Variants in EEFSEC observed in about 807,000 individuals in gnomAD.
EEFSEC encodes selenocysteine-specific elongation factor.
Under a neutral mutation model 42.1 loss-of-function variants are expected in EEFSEC, and 43 were observed. That is an observed-to-expected ratio of 1.02 (90% CI 0.80 to 1.32). The LOEUF is 1.32. Ranked by LOEUF, EEFSEC falls within the 40% of genes most tolerant of loss-of-function variation. The pLI is 0.00. For missense variants in EEFSEC, 745 were observed against 803.6 expected, an observed-to-expected ratio of 0.93 and a Z score of 0.88; for synonymous variants, 354 against 339.1, an observed-to-expected ratio of 1.04 and a Z score of -0.48.
intron 1 of EEFSEC, among the ~76,000 whole-genome samples, chr3:128,167,368 G>C (rs141482305): frequency 2.6e-5 from 4 of 152,168 alleles, no homozygotes; most frequent in Non-Finnish European, 5.9e-5. Flanking sequence ...TAAATATTTG[G>C]TGCATGCATA....
At chr3:128,201,727 C>CT (rs1278941199) in intron 1 of EEFSEC, among the ~76,000 whole-genome samples, 1 of 152,116 alleles carries the variant, frequency 6.6e-6, no homozygotes, top group East Asian at 1.9e-4. Flanking sequence ...TAATTTATCA[C>CT]TTTTTTCTGT....
chr3:128,349,397 C>T (rs189881322), intron 5 of EEFSEC, among the ~76,000 whole-genome samples: 2 of 152,316 alleles, frequency 1.3e-5, no homozygotes, highest in Admixed American at 6.5e-5. Context: ...GGCACCTGGT[C>T]GTCTGGAGCC....
chr3:128,169,869 A>G (rs1189324499), intron 1 of EEFSEC, among the ~76,000 whole-genome samples: 1 of 152,222 alleles, frequency 6.6e-6, no homozygotes. Flanking sequence ...CTTTCCCTGC[A>G]TAGCCTCACA....
chr3:128,372,578 G>A (rs2067666828), intron 6 of EEFSEC, among the ~76,000 whole-genome samples: 1 of 152,176 alleles, frequency 6.6e-6, no homozygotes, highest in South Asian at 2.1e-4. Flanking sequence ...GGGCAGGACG[G>A]TGCTCCAGCA....
chr3:128,370,021 C>T (rs1198760560), intron 6 of EEFSEC, among the ~76,000 whole-genome samples: 1 of 152,198 alleles, frequency 6.6e-6, no homozygotes, highest in Non-Finnish European at 1.5e-5. Context: ...GCAATAGTGT[C>T]TTAGGAAGTT....
At chr3:128,295,451 C>CTTTCTTT (rs2066693225) in intron 4 of EEFSEC, among the ~76,000 whole-genome samples, 1 of 63,986 alleles carries the variant, frequency 1.6e-5, no homozygotes, top group Non-Finnish European at 2.8e-5. Context: ...CTTCCCCCTA[C>CTTTCTTT]TTTTTTTTTT....
chr3:128,203,470 G>T (rs1304635815), intron 1 of EEFSEC, among the ~76,000 whole-genome samples: 6 of 152,196 alleles, frequency 3.9e-5, no homozygotes, highest in Non-Finnish European at 7.4e-5. Flanking sequence ...GCAAATGTCA[G>T]CCAGCACTGT....
the EEFSEC span, among the ~76,000 whole-genome samples, chr3:128,413,787 C>A: frequency 5.7e-4 from 87 of 152,238 alleles, no homozygotes; most frequent in African/African-American, 1.9e-3. Context: ...GGCCCCGAGC[C>A]TCCAGCATCC....
chr3:128,290,885 C>G (rs1425636785), intron 4 of EEFSEC, among the ~76,000 whole-genome samples: 1 of 152,012 alleles, frequency 6.6e-6, no homozygotes, highest in Admixed American at 6.6e-5. Context: ...AGCGGGATTA[C>G]AGGTGCCCAC....
intron 2 of EEFSEC, among the ~76,000 whole-genome samples, chr3:128,249,154 T>C (rs1245132405): frequency 2.6e-5 from 4 of 152,238 alleles, no homozygotes; most frequent in Non-Finnish European, 4.4e-5. Flanking sequence ...AAACTTTCTG[T>C]CTATAAAGGG....
chr3:128,195,884 A>G (rs187989432), intron 1 of EEFSEC, among the ~76,000 whole-genome samples: 1 of 152,354 alleles, frequency 6.6e-6, no homozygotes, highest in East Asian at 1.9e-4. Context: ...AACAGAACGC[A>G]TATAACTATT....
At chr3:128,321,981 C>T (rs574513862) in intron 4 of EEFSEC, among the ~76,000 whole-genome samples, 103 of 152,286 alleles carry the variant, frequency 6.8e-4, no homozygotes, top group South Asian at 1.7e-3. Context: ...TGAGGGCCAG[C>T]GTGGGGGAGC....
intron 5 of EEFSEC, among the ~76,000 whole-genome samples, chr3:128,350,433 G>C (rs2067370714): frequency 6.6e-6 from 1 of 152,224 alleles, no homozygotes; most frequent in South Asian, 2.1e-4. Flanking sequence ...CCCTGCCAGA[G>C]GGTTGAAGGC....
chr3:128,163,908 G>A (rs564154715), intron 1 of EEFSEC, among the ~76,000 whole-genome samples: 1 of 149,004 alleles, frequency 6.7e-6, no homozygotes, highest in African/African-American at 2.5e-5. Flanking sequence ...GCGAGCATAT[G>A]CTTTGGGAAC....
At chr3:128,331,646 C>G (rs1297278308) in intron 4 of EEFSEC, among the ~76,000 whole-genome samples, 1 of 152,040 alleles carries the variant, frequency 6.6e-6, no homozygotes, top group Non-Finnish European at 1.5e-5. Flanking sequence ...TTTGCCACCC[C>G]TAGGAGTTGT....
intron 6 of EEFSEC, among the ~76,000 whole-genome samples, chr3:128,381,040 G>A (rs896884969): frequency 3.3e-5 from 5 of 152,250 alleles, no homozygotes; most frequent in African/African-American, 1.2e-4. Flanking sequence ...GGCCTTGACA[G>A]GGAATCTTTG....
chr3:128,423,773 C>A, the EEFSEC span, among the ~76,000 whole-genome samples: 3 of 152,342 alleles, frequency 2.0e-5, no homozygotes, highest in South Asian at 6.2e-4. Context: ...ACTCTGTAAA[C>A]ATACAGAAGT....
chr3:128,277,464 T>C (rs930063755), intron 4 of EEFSEC, among the ~76,000 whole-genome samples: 3 of 152,204 alleles, frequency 2.0e-5, no homozygotes, highest in African/African-American at 4.8e-5. Context: ...TTTTTTGTTT[T>C]TGTTTTTGTT....
intron 6 of EEFSEC, among the ~76,000 whole-genome samples, chr3:128,387,234 T>C (rs2067851514): frequency 6.6e-6 from 1 of 152,182 alleles, no homozygotes; most frequent in Non-Finnish European, 1.5e-5. Flanking sequence ...AGGTGGCTCC[T>C]GAGGACAGAG....
Sources: gnomAD v4.1 joint callset for allele counts (sites outside exome capture counted in the v4.1 genomes callset) on GRCh38, gnomAD v4.1.1 for gene constraint, MANE v1.5 for transcripts, NCBI Gene and HGNC (gene_info 2026-07-23, HGNC 2026-07-21) for gene names.